The following TBC1D22A variants were observed in gnomAD, a reference collection of about 807,000 sequenced individuals.
TBC1D22A encodes putative GTPase activator.
In TBC1D22A, 38 loss-of-function variants were observed where a neutral mutation model predicts 60.2. The ratio of observed to expected loss-of-function variants is 0.63; its 90% confidence interval spans 0.49 to 0.83. TBC1D22A has a LOEUF of 0.83. TBC1D22A is among the 40% of genes least tolerant of loss of function. The probability of loss-of-function intolerance (pLI) is 0.00; values close to 1 mark genes in which losing one functional copy is unlikely to be tolerated. For missense variants in TBC1D22A, 628 were observed against 701.0 expected (o/e 0.90, Z 1.18); for synonymous variants, 302 against 281.7 (o/e 1.07, Z -0.72).
At chr22:46,774,223 C>G (rs1280877531) in intron 1 of TBC1D22A, 1 of 985,508 alleles carries the variant, frequency 1.0e-6, no homozygotes, top group African/African-American at 1.7e-5. Flanking sequence ...AGCAGAGATT[C>G]TTCTGGAGTG....
At chr22:46,790,139 G>T (rs1234165523) in intron 1 of TBC1D22A, among the ~76,000 whole-genome samples, 2 of 152,224 alleles carry the variant, frequency 1.3e-5, no homozygotes, top group African/African-American at 4.8e-5. Flanking sequence ...TAACACCAAG[G>T]TGTTGGCGGG....
At chr22:46,865,981 T>C (rs1323320357) in intron 4 of TBC1D22A, among the ~76,000 whole-genome samples, 3 of 152,160 alleles carry the variant, frequency 2.0e-5, no homozygotes, top group Non-Finnish European at 4.4e-5. Context: ...ATGACCACCA[T>C]ATGGGACCTG....
At chr22:46,871,119 G>C (rs115764632) in intron 4 of TBC1D22A, among the ~76,000 whole-genome samples, 1,638 of 152,312 alleles carry the variant, frequency 0.011, 36 homozygotes, top group African/African-American at 0.037. Flanking sequence ...AGTTGTATTA[G>C]AGACAAAGAG....
At chr22:46,912,362 A>G (rs1234291619) in intron 8 of TBC1D22A, among the ~76,000 whole-genome samples, 174 bp downstream of exon 8, 1 of 152,246 alleles carries the variant, frequency 6.6e-6, no homozygotes, top group African/African-American at 2.4e-5. Flanking sequence ...TCTTTAATCT[A>G]CATGCTCAAC....
intron 10 of TBC1D22A, among the ~76,000 whole-genome samples, chr22:47,000,446 T>G (rs188168982): frequency 6.6e-4 from 101 of 152,326 alleles, no homozygotes; most frequent in African/African-American, 2.4e-3. Context: ...TGACCCTTCT[T>G]TGTCATCCCT....
At chr22:46,921,036 G>T (rs1392481542) in intron 8 of TBC1D22A, among the ~76,000 whole-genome samples, 1 of 152,106 alleles carries the variant, frequency 6.6e-6, no homozygotes, top group Non-Finnish European at 1.5e-5. Flanking sequence ...CTCCCAAAGT[G>T]CTGGGATTAC....
In TBC1D22A at chr22:47,009,917, G is replaced by T. The variant is rs1362385118; in HGVS notation, c.1201+12208G>T. 6.6e-6 allele frequency among the ~76,000 whole-genome samples: 1 copy of T among 152,254 alleles called. No homozygotes were observed. The highest frequency in any genetic ancestry group is 2.4e-5 in the African/African-American group (1 of 41,464). On this transcript the variant is annotated intron_variant, in intron 10 of 12. Coordinates refer to ENST00000337137, the MANE Select transcript of TBC1D22A (RefSeq NM_014346.5). This position sits in a 1 kb window ranked among gnomAD's most constrained non-coding sequence, Gnocchi z 5.8. ...CCAGCCCCCAGGGAGGTTGGTTGGAGTGGAAGACACTGGCTGAGTCTGAGT... is the reference window on the plus strand; with the variant it reads ...CCAGCCCCCAGGGAGGTTGGTTGGATTGGAAGACACTGGCTGAGTCTGAGT...
chr22:47,013,958 A>T (rs2061828442), intron 10 of TBC1D22A, among the ~76,000 whole-genome samples: 1 of 152,188 alleles, frequency 6.6e-6, no homozygotes, highest in Non-Finnish European at 1.5e-5. Context: ...CCCCATCCAG[A>T]GACCCTCGGT....
intron 9 of TBC1D22A, among the ~76,000 whole-genome samples, chr22:46,982,226 C>CT (rs750713030): frequency 0.076 from 10,577 of 138,608 alleles, 522 homozygotes; most frequent in Non-Finnish European, 0.099. Flanking sequence ...AAGAGACAGT[C>CT]TTTTTTTTTT....
chr22:46,894,257 T>G (rs143503369), intron 6 of TBC1D22A, among the ~76,000 whole-genome samples: 1 of 152,318 alleles, frequency 6.6e-6, no homozygotes, highest in East Asian at 1.9e-4. Context: ...GACTTTATTA[T>G]GACTCTGATG....
intron 10 of TBC1D22A, among the ~76,000 whole-genome samples, chr22:47,024,108 C>T (rs982052748): frequency 4.6e-5 from 7 of 152,158 alleles, no homozygotes; most frequent in Admixed American, 2.6e-4. Context: ...AAGGCCCTCA[C>T]GCTGTGCTGC....
intron 12 of TBC1D22A, among the ~76,000 whole-genome samples, chr22:47,161,215 G>GAA (rs965713010): frequency 6.7e-6 from 1 of 149,130 alleles, no homozygotes; most frequent in African/African-American, 2.5e-5. Flanking sequence ...ATGCCCTTGT[G>GAA]AAAAAAAAAA....
At chr22:46,885,814 G>A (rs1602312623) in intron 5 of TBC1D22A, among the ~76,000 whole-genome samples, 1 of 152,112 alleles carries the variant, frequency 6.6e-6, no homozygotes, top group Non-Finnish European at 1.5e-5. Context: ...ATGCTCAGGT[G>A]GGTCATTAAA....
intron 12 of TBC1D22A, among the ~76,000 whole-genome samples, chr22:47,112,602 A>G (rs547907181): frequency 6.6e-6 from 1 of 152,092 alleles, no homozygotes; most frequent in Non-Finnish European, 1.5e-5. Flanking sequence ...GAGAGACCAG[A>G]CAGGTGAGGG....
chr22:46,929,741 T>C (rs1007900529), intron 8 of TBC1D22A, among the ~76,000 whole-genome samples: 1 of 152,176 alleles, frequency 6.6e-6, no homozygotes, highest in African/African-American at 2.4e-5. Flanking sequence ...CATGCATGTA[T>C]GTGCATGCAT....
At chr22:47,166,141 T>C (rs190417738) in intron 12 of TBC1D22A, among the ~76,000 whole-genome samples, 6 of 152,296 alleles carry the variant, frequency 3.9e-5, no homozygotes, top group Admixed American at 2.6e-4. Context: ...TTGACGAGTT[T>C]TGCCACTGCA....
At chr22:47,167,497 C>T (rs1180021878) in intron 12 of TBC1D22A, among the ~76,000 whole-genome samples, 2 of 152,206 alleles carry the variant, frequency 1.3e-5, no homozygotes. Flanking sequence ...CCGCCCACAG[C>T]TCAGCAAGCA....
chr22:46,804,200 C>T (rs1056426820), intron 4 of TBC1D22A, among the ~76,000 whole-genome samples: 2 of 152,204 alleles, frequency 1.3e-5, no homozygotes, highest in Non-Finnish European at 2.9e-5. Context: ...TCAAAGCTTG[C>T]CCCCGGCCTT....
Position 47,023,934 on chromosome 22 carries a change from G to A in TBC1D22A, c.1202-13137G>A, listed in dbSNP as rs150757435. ...TGCCCAAAGTGGCAAGTCTAGGAAT[G>A]CATTGAAACACGTTTTCTTGTTATT... On this transcript the variant is annotated intron_variant, in intron 10 of 12. Transcript: ENST00000337137. 8.2e-3 allele frequency among the ~76,000 whole-genome samples: 1,251 copies of A among 152,352 alleles called. 13 individuals are homozygous for A. Among genetic ancestry groups the A allele is most frequent in the African/African-American group, 0.029 (1,209 of 41,576 alleles).
Sources: gnomAD v4.1 joint callset for allele counts (sites outside exome capture counted in the v4.1 genomes callset) on GRCh38, gnomAD v4.1.1 for gene constraint, Gnocchi (gnomAD v3.1) non-coding constraint, MANE v1.5 for transcripts, NCBI Gene and HGNC (gene_info 2026-07-23, HGNC 2026-07-21) for gene names.